ITGB5: variants seen among roughly 807,000 people sequenced by gnomAD.
ITGB5 encodes the protein integrin subunit beta 5.
Under a neutral mutation model 84.8 loss-of-function variants are expected in ITGB5, and 38 were observed. The observed-to-expected ratio is 0.45, with a 90% CI of 0.35 to 0.59. The LOEUF (loss-of-function observed/expected upper bound fraction) is 0.59, where lower values mean the gene tolerates loss of function less well. Ranked by LOEUF, ITGB5 falls within the 20% of genes least tolerant of loss-of-function variation. The probability of loss-of-function intolerance (pLI) is 0.01; values close to 1 mark genes in which losing one functional copy is unlikely to be tolerated. For missense variants in ITGB5, 905 were observed against 1,034.5 expected (o/e 0.87, Z 1.72); for synonymous variants, 393 against 414.4 (o/e 0.95, Z 0.63).
chr3:124,819,673 G>T, intron 7 of ITGB5, 66 bp downstream of exon 7: 1 of 1,142,194 alleles, frequency 8.8e-7, no homozygotes, highest in Non-Finnish European at 1.3e-6. Flanking sequence ...GATAGGCAGA[G>T]TTGTAAACAC....
intron 1 of ITGB5, among the ~76,000 whole-genome samples, chr3:124,896,295 C>T (rs1935099555): frequency 6.6e-6 from 1 of 152,190 alleles, no homozygotes; most frequent in African/African-American, 2.4e-5. Flanking sequence ...TTCCTCTTCT[C>T]CCAGCTTCAG....
At chr3:124,820,138 C>G (rs1013846510) in intron 6 of ITGB5, among the ~76,000 whole-genome samples, 3 of 152,156 alleles carry the variant, frequency 2.0e-5, no homozygotes, top group African/African-American at 7.2e-5. Flanking sequence ...ATCCTTTCAG[C>G]AGGGAGGGGG....
intron 3 of ITGB5, among the ~76,000 whole-genome samples, chr3:124,849,511 G>A (rs2065123998): frequency 6.6e-6 from 1 of 152,052 alleles, no homozygotes; most frequent in African/African-American, 2.4e-5. Flanking sequence ...TTGATGTTTT[G>A]GGACATCACA....
chr3:124,834,983 C>T (rs2064912732), intron 5 of ITGB5, among the ~76,000 whole-genome samples: 1 of 152,174 alleles, frequency 6.6e-6, no homozygotes, highest in African/African-American at 2.4e-5. Flanking sequence ...GACATTCTCA[C>T]CTGGTATGAA....
rs943471962 is a variant in ITGB5 at position 124,824,839 on chromosome 3, G to C, written c.781-3365C>G. On this transcript the variant is annotated intron_variant, in intron 5 of 14. Transcript: ENST00000296181. ...TGCAAATTTGAACCACAGCGAGATA[G>C]CCATTAGATCCGTATTTGAATAGCA... Among the ~76,000 whole-genome samples, 10 of 152,134 alleles carry C rather than the reference G, an allele frequency of 6.6e-5. 1 individual carries two copies. Among genetic ancestry groups the C allele is most frequent in the Non-Finnish European group, 1.5e-4 (10 of 68,020 alleles).
intron 1 of ITGB5, among the ~76,000 whole-genome samples, 164 bp downstream of exon 1, chr3:124,886,767 G>A (rs1441787621): frequency 2.0e-5 from 3 of 151,536 alleles, no homozygotes; most frequent in South Asian, 4.2e-4. Context: ...TGCGCGCGGG[G>A]AGCGCCCCGC....
intron 2 of ITGB5, among the ~76,000 whole-genome samples, chr3:124,873,111 C>T (rs2107639301): frequency 6.6e-6 from 1 of 152,318 alleles, no homozygotes; most frequent in Non-Finnish European, 1.5e-5. Flanking sequence ...CATTATGCAA[C>T]AAACTCAATT....
chr3:124,818,365 A>G (rs2064639647), intron 7 of ITGB5, among the ~76,000 whole-genome samples: 1 of 152,094 alleles, frequency 6.6e-6, no homozygotes, highest in African/African-American at 2.4e-5. Flanking sequence ...TCCTCCCCCA[A>G]GCAAGGTGTA....
At chr3:124,823,085 A>AC (rs1559953742) in intron 5 of ITGB5, among the ~76,000 whole-genome samples, 1 of 151,846 alleles carries the variant, frequency 6.6e-6, no homozygotes. Flanking sequence ...ACATAGGGAG[A>AC]CCCCATCTCT....
chr3:124,766,495 T>G, intron 12 of ITGB5, 150 bp from the exon 13 acceptor site: 1 of 907,066 alleles, frequency 1.1e-6, no homozygotes, highest in East Asian at 2.6e-5. Flanking sequence ...CCTTTGAAGA[T>G]GAGTTCAGTT....
rs559053099 is a variant in ITGB5 at position 124,868,109 on chromosome 3, T to C, written c.156+5337A>G. Reference sequence around the variant, plus strand: ...CCTGACACCTTGTGAAGAAGGTGCATTGCTTCCCCTTCACCTTCCACCACG... The same window carrying C: ...CCTGACACCTTGTGAAGAAGGTGCACTGCTTCCCCTTCACCTTCCACCACG... On this transcript the variant is annotated intron_variant, in intron 2 of 14. Coordinates refer to ENST00000296181, the MANE Select transcript of ITGB5 (RefSeq NM_002213.5). Among the ~76,000 whole-genome samples, 27 of 152,258 alleles carry C rather than the reference T, an allele frequency of 1.8e-4. No homozygotes were observed. In the East Asian group the frequency reaches 4.6e-3, roughly 26 times the overall value.
intron 1 of ITGB5, chr3:124,878,483 G>GC (rs1934425872): frequency 1.3e-5 from 2 of 152,078 alleles, no homozygotes; most frequent in South Asian, 4.2e-4. Context: ...CAAAATGATT[G>GC]CCCTAAAATT....
intron 1 of ITGB5, among the ~76,000 whole-genome samples, chr3:124,874,306 GAAA>G (rs59287818): frequency 7.9e-4 from 89 of 113,370 alleles, no homozygotes; most frequent in Non-Finnish European, 1.3e-3. Context: ...TCAAAAGCCG[GAAA>G]AAAAAAAAAA....
rs141039713 is a variant in ITGB5 at position 124,852,795 on chromosome 3, C to T, written c.362-4237G>A. ...CTCAACCTCCCAGGCTCAAGCAATC[C>T]TCCCACCTCAGCCTCCCAAGTAGCT... On this transcript the variant is annotated intron_variant, in intron 3 of 14. Transcript: ENST00000296181. Among the ~76,000 whole-genome samples, 1,533 of 152,188 alleles carry T rather than the reference C, an allele frequency of 0.01. 110 individuals are homozygous for T. In the East Asian group the frequency reaches 0.2, roughly 20 times the overall value.
intron 5 of ITGB5, among the ~76,000 whole-genome samples, chr3:124,831,224 G>A (rs2064856073): frequency 6.6e-6 from 1 of 152,104 alleles, no homozygotes; most frequent in Admixed American, 6.5e-5. Flanking sequence ...CGCTGTCAAT[G>A]TCTGTCTTAA....
intron 2 of ITGB5, among the ~76,000 whole-genome samples, chr3:124,864,942 C>T (rs3772861): frequency 0.16 from 23,861 of 152,092 alleles, 1,961 homozygotes; most frequent in South Asian, 0.21. Context: ...AATCAGAGGT[C>T]CACAGACCTA....
intron 6 of ITGB5, 150 bp from the exon 7 acceptor site, chr3:124,819,984 C>T (rs2064675809): frequency 1.5e-6 from 1 of 683,546 alleles, no homozygotes; most frequent in Non-Finnish European, 2.7e-6. Flanking sequence ...ACTAAGCCTT[C>T]TTGGTAGCTC....
chr3:124,815,663 A>G (rs982002008), intron 8 of ITGB5, among the ~76,000 whole-genome samples: 6 of 152,164 alleles, frequency 3.9e-5, no homozygotes, highest in East Asian at 1.9e-4. Flanking sequence ...TTCAGTGTCC[A>G]GAGATTGAGA....
upstream of ITGB5, among the ~76,000 whole-genome samples, chr3:124,892,288 C>T (rs1193672138): frequency 6.6e-6 from 1 of 151,908 alleles, no homozygotes; most frequent in Non-Finnish European, 1.5e-5. Flanking sequence ...GCCACCACTC[C>T]TGGCCTCAGT....
Sources: allele counts gnomAD v4.1 joint callset (sites outside exome capture counted in the v4.1 genomes callset), GRCh38; gene constraint gnomAD v4.1.1; transcripts MANE v1.5; gene names NCBI Gene and HGNC (gene_info 2026-07-23, HGNC 2026-07-21).